Variants in POMK observed in about 807,000 individuals in gnomAD.
POMK encodes the protein Sugen kinase 196.
In POMK, 19 loss-of-function variants were observed where a neutral mutation model predicts 23.0. The ratio of observed to expected loss-of-function variants is 0.83; its 90% confidence interval spans 0.58 to 1.21. POMK has a LOEUF of 1.21. Ranked by LOEUF, POMK falls within the 50% of genes most tolerant of loss-of-function variation. POMK has a pLI of 0.00. For missense variants in POMK, 410 were observed against 431.3 expected (o/e 0.95, Z 0.44); for synonymous variants, 173 against 171.6 (o/e 1.01, Z -0.06).
At position 43,103,802 on chromosome 8, in the gene POMK, A is replaced by G. The variant is rs752925552; in HGVS notation, c.254A>G (p.Lys85Arg). Residue 85 changes from lysine (K) to arginine (R), a missense_variant, in exon 4 of 5, where the codon AAG becomes AGG. By Grantham distance (26) the Lys-to-Arg change is conservative (BLOSUM62 2). Coordinates refer to ENST00000331373, the MANE Select transcript of POMK (RefSeq NM_032237.5). ...EELRTEVRQLKRVGEGAVKRV... is the reference protein window; with the variant it reads ...EELRTEVRQLRRVGEGAVKRV... ...CTGAGAACAGAAGTGAGACAGCTGA[A>G]GCGTGTTGGGGAAGGAGCTGTAAAG... The G allele has an allele frequency of 2.7e-5, 44 of 1,614,104 alleles. No homozygotes were observed. Among genetic ancestry groups the G allele is most frequent in the Non-Finnish European group, 3.6e-5 (42 of 1,180,048 alleles).
At chr8:43,104,130 T>G (rs899702586) in intron 4 of POMK, among the ~76,000 whole-genome samples, 1 of 152,038 alleles carries the variant, frequency 6.6e-6, no homozygotes, top group African/African-American at 2.4e-5. Context: ...TCTGGCACTT[T>G]ATCTTTTTTT....
intron 4 of POMK, among the ~76,000 whole-genome samples, chr8:43,109,644 G>A (rs1458463571): frequency 6.6e-6 from 1 of 152,072 alleles, no homozygotes; most frequent in Non-Finnish European, 1.5e-5. Flanking sequence ...CTGGGTTCAA[G>A]TGATTCTCCT....
Position 43,103,793 on chromosome 8 carries a change from G to C in POMK, c.245G>C (p.Arg82Thr), listed in dbSNP as rs142346196. 3 of 1,614,136 alleles carry C rather than the reference G, an allele frequency of 1.9e-6. No homozygotes were observed. The African/African-American group carries it at 4.0e-5, about 22-fold the overall frequency. ...LSCEELRTEV[R>T]QLKRVGEGAV... Reference sequence around the variant, plus strand: ...TGCGAGGAGCTGAGAACAGAAGTGAGACAGCTGAAGCGTGTTGGGGAAGGA... The same window carrying C: ...TGCGAGGAGCTGAGAACAGAAGTGACACAGCTGAAGCGTGTTGGGGAAGGA... The change falls in exon 4 of 5, where the codon AGA becomes ACA. Residue 82 changes from arginine (R) to threonine (T), a missense_variant. By Grantham distance (71) the Arg-to-Thr change is moderately conservative. Transcript: ENST00000331373.
intron 2 of POMK, among the ~76,000 whole-genome samples, chr8:43,101,536 A>G (rs867612306): frequency 1.3e-5 from 2 of 152,146 alleles, no homozygotes; most frequent in African/African-American, 2.4e-5. Flanking sequence ...CTGAGTGTAA[A>G]GGGGCCAAGA....
intron 4 of POMK, among the ~76,000 whole-genome samples, chr8:43,120,583 A>G (rs1811894203): frequency 6.6e-6 from 1 of 151,642 alleles, no homozygotes; most frequent in Non-Finnish European, 1.5e-5. Context: ...CGCATGATAT[A>G]TATATATATT....
chr8:43,118,495 C>G (rs980144827), intron 4 of POMK, among the ~76,000 whole-genome samples: 2 of 152,006 alleles, frequency 1.3e-5, no homozygotes. Flanking sequence ...GAGTTTTTAC[C>G]AAGAAAAGTG....
chr8:43,109,084 T>A (rs1029173026), intron 4 of POMK, among the ~76,000 whole-genome samples: 2 of 152,262 alleles, frequency 1.3e-5, no homozygotes, highest in African/African-American at 4.8e-5. Flanking sequence ...ATATGTCTTT[T>A]GTACTTTAGG....
intron 2 of POMK, among the ~76,000 whole-genome samples, chr8:43,101,902 C>G (rs1487307799): frequency 6.6e-6 from 1 of 152,060 alleles, no homozygotes; most frequent in Non-Finnish European, 1.5e-5. Flanking sequence ...ACGTCTTGTC[C>G]CAGCTCTGTA....
chr8:43,123,090 T>C lies in POMK; in HGVS notation c.*213T>C. The C allele has an allele frequency of 1.9e-6, 1 of 523,272 alleles. No individual in the cohort carries two copies. Among genetic ancestry groups the C allele is most frequent in the Non-Finnish European group, 3.4e-6 (1 of 295,030 alleles). 32.4% of individuals were successfully genotyped at this position (523,272 alleles called of 1,614,324 possible). The stretch of plus-strand genomic sequence containing the variant: ...TTTTTTCTTTGAGATGCGGTCTTGC[T>C]CTGTTGCTGAGGCTGGAGTGCAGTG... On this transcript the variant is annotated 3_prime_UTR_variant, in exon 5 of 5. Coordinates refer to ENST00000331373, the MANE Select transcript of POMK (RefSeq NM_032237.5).
chr8:43,096,571 G>A (rs1408612030), intron 1 of POMK, among the ~76,000 whole-genome samples: 1 of 152,188 alleles, frequency 6.6e-6, no homozygotes, highest in African/African-American at 2.4e-5. Flanking sequence ...TACTCAGGAG[G>A]CTGAGGCAGG....
At position 43,102,942 on chromosome 8, in the gene POMK, G is replaced by T. The variant is rs189541242; in HGVS notation, c.-22+342G>T. 3.1e-3 allele frequency among the ~76,000 whole-genome samples: 472 copies of T among 152,272 alleles called. 4 individuals are homozygous for T. The highest frequency in any genetic ancestry group is 0.011 in the African/African-American group (459 of 41,544). On this transcript the variant is annotated intron_variant, in intron 3 of 4. Transcript: ENST00000331373. Reference sequence around the variant, plus strand: ...CATGTACTTGTCAGCTCCTGTCCGTGGTCATAACCAGGGCTTCTTAATAAC... The same window carrying T: ...CATGTACTTGTCAGCTCCTGTCCGTTGTCATAACCAGGGCTTCTTAATAAC...
Position 43,122,883 on chromosome 8 carries a change from A to G in POMK, c.*6A>G. On this transcript the variant is annotated 3_prime_UTR_variant, in exon 5 of 5. Coordinates refer to ENST00000331373, the MANE Select transcript of POMK (RefSeq NM_032237.5). ...AGGCAAGAGAGATGCTGTGAAAACC[A>G]GTCCAGCCAATGAAGGTGGGATTGA... 1.3e-6 allele frequency: 2 copies of G among 1,596,372 alleles called. No homozygotes were observed. Among genetic ancestry groups the G allele is most frequent in the South Asian group, 1.1e-5 (1 of 89,744 alleles).
chr8:43,103,316 C>T (rs1811480297), intron 3 of POMK, among the ~76,000 whole-genome samples: 4 of 152,266 alleles, frequency 2.6e-5, no homozygotes, highest in South Asian at 2.1e-4. Flanking sequence ...TAGAGGAACC[C>T]GCATTTTAGT....
chr8:43,112,292 C>T (rs1308977916), intron 4 of POMK, among the ~76,000 whole-genome samples: 9 of 152,060 alleles, frequency 5.9e-5, no homozygotes, highest in Admixed American at 3.3e-4. Context: ...GTAACCTATG[C>T]GATCAACTGG....
At chr8:43,120,475 C>G (rs971559618) in intron 4 of POMK, among the ~76,000 whole-genome samples, 1 of 151,994 alleles carries the variant, frequency 6.6e-6, no homozygotes, top group African/African-American at 2.4e-5. Flanking sequence ...CCTGCCTTGG[C>G]TTCCAAAAGT....
At chr8:43,095,142 C>G (rs1811308223) in intron 1 of POMK, among the ~76,000 whole-genome samples, 1 of 152,184 alleles carries the variant, frequency 6.6e-6, no homozygotes, top group South Asian at 2.1e-4. Context: ...TAGTTCAACT[C>G]CCGAGCATTG....
In POMK at chr8:43,122,709, C is replaced by T. The variant is rs1431891802; in HGVS notation, c.885C>T (p.His295=). Residue 295 remains histidine, a synonymous_variant, in exon 5 of 5, where the codon CAC becomes CAT. Coordinates refer to ENST00000331373, the MANE Select transcript of POMK (RefSeq NM_032237.5). ...IPDISSFLLG[H]IEGSDMVRFH... ...ACATCTCCAGTTTCCTTCTGGGGCA[C>T]ATTGAAGGGAGTGATATGGTCCGAT... The T allele has an allele frequency of 6.2e-7, 1 of 1,614,168 alleles. No individual in the cohort carries two copies. Among genetic ancestry groups the T allele is most frequent in the Non-Finnish European group, 8.5e-7 (1 of 1,180,026 alleles).
chr8:43,098,067 C>T (rs62517595), intron 2 of POMK, among the ~76,000 whole-genome samples: 7,311 of 152,098 alleles, frequency 0.048, 232 homozygotes, highest in South Asian at 0.081. Flanking sequence ...CTTGTTTTTG[C>T]GTAGCCTGAG....
intron 4 of POMK, among the ~76,000 whole-genome samples, chr8:43,113,718 G>A (rs926042004): frequency 1.3e-5 from 2 of 152,186 alleles, no homozygotes; most frequent in African/African-American, 4.8e-5. Flanking sequence ...TTTCTGCTCT[G>A]TTTTTTCCCC....
Sources: gnomAD v4.1 joint callset for allele counts (sites outside exome capture counted in the v4.1 genomes callset) on GRCh38, gnomAD v4.1.1 for gene constraint, MANE v1.5 for transcripts, NCBI Gene and HGNC (gene_info 2026-07-23, HGNC 2026-07-21) for gene names.